DACH1: variants seen among roughly 807,000 people sequenced by gnomAD.
The protein encoded by DACH1 is dachshund family transcription factor 1.
In DACH1, 12 loss-of-function variants were observed where a neutral mutation model predicts 54.2. That is an observed-to-expected ratio of 0.22 (90% confidence interval 0.14 to 0.36). The LOEUF is 0.36. DACH1 is among the 10% of genes least tolerant of loss of function. The probability of loss-of-function intolerance (pLI) is 1.00; values close to 1 mark genes in which losing one functional copy is unlikely to be tolerated. For missense variants in DACH1, 805 were observed against 929.8 expected (o/e 0.87, Z 1.75); for synonymous variants, 386 against 366.2 (o/e 1.05, Z -0.62).
intron 1 of DACH1, among the ~76,000 whole-genome samples, chr13:71,735,566 G>C (rs569563817): frequency 8.0e-5 from 2 of 25,064 alleles, no homozygotes; most frequent in South Asian, 1.9e-3. Context: ...GGATATACGT[G>C]TATATGGGAT....
chr13:71,484,702 C>T (rs563081837), intron 7 of DACH1, among the ~76,000 whole-genome samples: 1 of 152,044 alleles, frequency 6.6e-6, no homozygotes, highest in Non-Finnish European at 1.5e-5. Context: ...CTTTTTAAAG[C>T]CTTTTTGTAA....
chr13:71,541,671 G>A (rs1883134743), intron 6 of DACH1, among the ~76,000 whole-genome samples: 1 of 151,958 alleles, frequency 6.6e-6, no homozygotes, highest in Non-Finnish European at 1.5e-5. Context: ...TGTCAGAAAA[G>A]AGAAGTCTGC....
At chr13:71,475,465 A>C (rs1877432093) in intron 9 of DACH1, among the ~76,000 whole-genome samples, 1 of 152,146 alleles carries the variant, frequency 6.6e-6, no homozygotes, top group South Asian at 2.1e-4. Context: ...AGTAGAAAAA[A>C]ATCTGGTTAA....
chr13:71,458,940 G>C (rs1174456250), intron 10 of DACH1, among the ~76,000 whole-genome samples: 2 of 151,506 alleles, frequency 1.3e-5, no homozygotes, highest in African/African-American at 2.4e-5. Context: ...TATGTCTTTT[G>C]TTTTGTTTTT....
chr13:71,682,155 A>C (rs757975621), intron 1 of DACH1, among the ~76,000 whole-genome samples: 1 of 152,212 alleles, frequency 6.6e-6, no homozygotes. Flanking sequence ...TCTTCATATT[A>C]ATATCTATAC....
At chr13:71,825,442 C>T (rs2138193044) in intron 1 of DACH1, among the ~76,000 whole-genome samples, 1 of 152,172 alleles carries the variant, frequency 6.6e-6, no homozygotes, top group Non-Finnish European at 1.5e-5. Context: ...AAAGAAACCA[C>T]ATACTTATTA....
intron 2 of DACH1, among the ~76,000 whole-genome samples, chr13:71,639,383 T>A (rs1404116708): frequency 6.6e-6 from 1 of 152,114 alleles, no homozygotes; most frequent in East Asian, 1.9e-4. Flanking sequence ...TCTTGGCCTT[T>A]GAAACACATT....
At chr13:71,450,436 G>A (rs1216969458) in intron 10 of DACH1, among the ~76,000 whole-genome samples, 1 of 152,070 alleles carries the variant, frequency 6.6e-6, no homozygotes, top group African/African-American at 2.4e-5. Context: ...TGTTGCGTGT[G>A]TTCTGACTGT....
intron 9 of DACH1, 71 bp from the exon 10 acceptor site, chr13:71,475,280 A>C (rs1877418101): frequency 2.4e-6 from 3 of 1,248,850 alleles, no homozygotes; most frequent in Non-Finnish European, 3.5e-6. Context: ...AAAAAAGAGC[A>C]ACCTGTTACT....
intron 1 of DACH1, among the ~76,000 whole-genome samples, chr13:71,791,126 T>C (rs1886811893): frequency 1.3e-5 from 2 of 152,294 alleles, no homozygotes; most frequent in African/African-American, 2.4e-5. Context: ...GCCAAAATTA[T>C]CAGAAGCATA....
chr13:71,573,695 A>G (rs1885363271), intron 3 of DACH1: 3 of 454,692 alleles, frequency 6.6e-6, no homozygotes, highest in Non-Finnish European at 1.2e-5. Context: ...ATTTCTAGGG[A>G]AATAAGCCGA....
chr13:71,581,027 A>G (rs1477027969), intron 3 of DACH1, among the ~76,000 whole-genome samples: 1 of 148,588 alleles, frequency 6.7e-6, no homozygotes, highest in African/African-American at 2.6e-5. Flanking sequence ...CCACGTGGTC[A>G]AGCCTGTGTC....
intron 1 of DACH1, among the ~76,000 whole-genome samples, chr13:71,775,362 T>C (rs1886025322): frequency 6.6e-6 from 1 of 152,000 alleles, no homozygotes; most frequent in Non-Finnish European, 1.5e-5. Flanking sequence ...TAACAGTTAT[T>C]CTGGTGCCAT....
chr13:71,647,390 T>A (rs187247261), intron 2 of DACH1, among the ~76,000 whole-genome samples: 2 of 152,328 alleles, frequency 1.3e-5, no homozygotes, highest in African/African-American at 4.8e-5. Context: ...GAACCCAATT[T>A]TTTTTCCATA....
intron 6 of DACH1, among the ~76,000 whole-genome samples, chr13:71,501,914 T>C (rs891795454): frequency 3.9e-5 from 6 of 152,144 alleles, no homozygotes; most frequent in Admixed American, 3.3e-4. Context: ...CACATTAATA[T>C]GTAGAGGTAA....
At chr13:71,555,823 C>T (rs1356446534) in intron 6 of DACH1, among the ~76,000 whole-genome samples, 1 of 152,004 alleles carries the variant, frequency 6.6e-6, no homozygotes, top group Non-Finnish European at 1.5e-5. Context: ...GCACTGCATT[C>T]GAATGCCTAA....
chr13:71,679,954 A>C (rs920026767), intron 2 of DACH1, among the ~76,000 whole-genome samples: 5 of 152,074 alleles, frequency 3.3e-5, no homozygotes, highest in African/African-American at 1.2e-4. Context: ...AAAAAAAAAA[A>C]AAAAAACGGA....
chr13:71,729,990 A>C (rs1036670326), intron 1 of DACH1, among the ~76,000 whole-genome samples: 2 of 152,210 alleles, frequency 1.3e-5, no homozygotes, highest in East Asian at 3.9e-4. Context: ...TATTCTGTAT[A>C]TATGTATCAT....
intron 10 of DACH1, among the ~76,000 whole-genome samples, chr13:71,449,349 G>T (rs1265511381): frequency 6.6e-6 from 1 of 151,938 alleles, no homozygotes; most frequent in African/African-American, 2.4e-5. Context: ...AGAAAGAAAA[G>T]AAATAGGTAA....
Sources: gnomAD v4.1 joint callset for allele counts (sites outside exome capture counted in the v4.1 genomes callset) on GRCh38, gnomAD v4.1.1 for gene constraint, MANE v1.5 for transcripts, NCBI Gene and HGNC (gene_info 2026-07-23, HGNC 2026-07-21) for gene names.